The following SIL1 variants were observed in gnomAD, a reference collection of about 807,000 sequenced individuals.
SIL1 encodes nucleotide exchange factor SIL1.
In SIL1, 40 loss-of-function variants were observed where a neutral mutation model predicts 49.1. The ratio of observed to expected loss-of-function variants is 0.81; its 90% CI spans 0.63 to 1.06. The LOEUF is 1.06. SIL1 is among the 50% of genes least tolerant of loss of function. The probability of loss-of-function intolerance (pLI) is 0.00; values close to 1 mark genes in which losing one functional copy is unlikely to be tolerated. For synonymous variants in SIL1, 253 were observed against 250.8 expected (o/e 1.01, Z -0.08); for missense variants, 500 against 572.6 (o/e 0.87, Z 1.29).
chr5:139,150,827 A>C (rs1751282024), intron 1 of SIL1, among the ~76,000 whole-genome samples: 1 of 152,070 alleles, frequency 6.6e-6, no homozygotes, highest in Non-Finnish European at 1.5e-5. Flanking sequence ...GCCTAGCCCA[A>C]AGCCAAGCCT....
At chr5:138,971,422 C>T (rs1767266976) in intron 7 of SIL1, among the ~76,000 whole-genome samples, 1 of 152,184 alleles carries the variant, frequency 6.6e-6, no homozygotes, top group Non-Finnish European at 1.5e-5. Context: ...AGACCATGCA[C>T]AGGACTTTTT....
intron 1 of SIL1, among the ~76,000 whole-genome samples, chr5:139,134,397 A>G (rs553435325): frequency 9.9e-5 from 15 of 152,180 alleles, no homozygotes; most frequent in East Asian, 5.8e-4. Flanking sequence ...CAGCCTCCCA[A>G]AGTGTTGGGA....
intron 1 of SIL1, among the ~76,000 whole-genome samples, chr5:139,172,187 T>C (rs530687286): frequency 6.6e-6 from 1 of 152,270 alleles, no homozygotes; most frequent in South Asian, 2.1e-4. Flanking sequence ...AGAGAGAACA[T>C]TTGAAAATAT....
rs35074969 is a variant in SIL1, at chr5:138,998,852, C to CTT, written c.767+22317_767+22318dup. Reference sequence around the variant, plus strand: ...AGTAGGATGCAGAGGATTATCTTTCCTTTTTTTTTTTTTTTTTTTTTTTGA... The same window carrying CTT: ...AGTAGGATGCAGAGGATTATCTTTCCTTTTTTTTTTTTTTTTTTTTTTTTTGA... On this transcript the variant is annotated intron_variant, in intron 7 of 9. Coordinates refer to ENST00000394817, the MANE Select transcript of SIL1 (RefSeq NM_022464.5). Among the ~76,000 whole-genome samples, 941 of 98,638 alleles carry CTT rather than the reference C, an allele frequency of 9.5e-3. 12 individuals are homozygous for CTT. Among genetic ancestry groups the CTT allele is most frequent in the African/African-American group, 0.031 (712 of 23,266 alleles). The allele number at this position is 98,638 out of a possible 152,430, so 64.7% of individuals were successfully genotyped here. A position where few individuals can be genotyped will look rare whatever the true frequency, so the allele number is the denominator to read the frequency against.
intron 7 of SIL1, among the ~76,000 whole-genome samples, chr5:138,980,922 G>C (rs1403816156): frequency 2.0e-5 from 3 of 152,202 alleles, no homozygotes; most frequent in African/African-American, 7.2e-5. Context: ...GGTTCACCCT[G>C]GGCCAGGTAT....
chr5:138,999,133 AG>A (rs1767935186), intron 7 of SIL1, among the ~76,000 whole-genome samples: 1 of 152,234 alleles, frequency 6.6e-6, no homozygotes, highest in Non-Finnish European at 1.5e-5. Flanking sequence ...CTGGGAATAC[AG>A]GTGTGAGCCA....
At chr5:139,009,009 G>A (rs1289926281) in intron 7 of SIL1, among the ~76,000 whole-genome samples, 9 of 150,536 alleles carry the variant, frequency 6.0e-5, no homozygotes, top group African/African-American at 1.9e-4. Context: ...TCAATTCCTG[G>A]GTATCCTTGT....
intron 7 of SIL1, among the ~76,000 whole-genome samples, chr5:139,014,489 A>C (rs1276812740): frequency 1.3e-5 from 2 of 152,186 alleles, no homozygotes; most frequent in Non-Finnish European, 2.9e-5. Flanking sequence ...AGGGGATAGT[A>C]GTGAAAAAAT....
At chr5:139,078,825 G>A (rs1239765755) in intron 3 of SIL1, among the ~76,000 whole-genome samples, 1 of 152,252 alleles carries the variant, frequency 6.6e-6, no homozygotes, top group Non-Finnish European at 1.5e-5. Flanking sequence ...TACAGTGAGA[G>A]AGGGGACACT....
intron 7 of SIL1, among the ~76,000 whole-genome samples, chr5:138,963,599 T>G (rs1436406455): frequency 5.9e-5 from 9 of 152,350 alleles, no homozygotes; most frequent in Middle Eastern, 3.4e-3. Flanking sequence ...GCAACACACA[T>G]AACAAGTCCC....
At chr5:139,018,842 T>G (rs900626438) in intron 7 of SIL1, among the ~76,000 whole-genome samples, 2 of 152,148 alleles carry the variant, frequency 1.3e-5, no homozygotes, top group Admixed American at 1.3e-4. Flanking sequence ...ACTCACTCAA[T>G]TTTATGAAAT....
In SIL1 at chr5:139,111,898, A is replaced by G. The variant is rs569225933; in HGVS notation, c.244+9137T>C. On this transcript the variant is annotated intron_variant, in intron 3 of 9. Transcript: ENST00000394817. ...CACGGTCTCCCTCTGATGCCGAGCC[A>G]AAGCTGGACTGTACTGCTGCCATCT... Among the ~76,000 whole-genome samples the G allele has an allele frequency of 5.2e-3, 799 of 152,220 alleles. 9 individuals are homozygous for G. The highest frequency in any genetic ancestry group is 0.018 in the African/African-American group (753 of 41,536).
intron 3 of SIL1, among the ~76,000 whole-genome samples, chr5:139,082,960 G>C (rs1770120369): frequency 6.6e-6 from 1 of 152,330 alleles, no homozygotes; most frequent in Middle Eastern, 3.4e-3. Context: ...ACCCAGGAGA[G>C]AGCAGGCCAA....
chr5:139,133,210 T>A lies in SIL1; in HGVS notation c.-10-5357A>T, dbSNP rs76360524. 3.0e-4 allele frequency: 45 copies of A among 152,344 alleles called. No homozygotes were observed. In the East Asian group the frequency reaches 8.7e-3, roughly 29 times the overall value. 9.4% of individuals were successfully genotyped at this position (152,344 alleles called of 1,614,324 possible). ...TTTCAGTGTCTCACCGGTAACTCTT[T>A]CCTTAAGTATCCTTGGGCTTTGGGA... On this transcript the variant is annotated intron_variant, in intron 1 of 9. Coordinates refer to ENST00000394817, the MANE Select transcript of SIL1 (RefSeq NM_022464.5).
chr5:139,096,015 T>A (rs1770454186), intron 3 of SIL1, among the ~76,000 whole-genome samples: 1 of 152,168 alleles, frequency 6.6e-6, no homozygotes, highest in South Asian at 2.1e-4. Context: ...AGTGCCTCTT[T>A]TAACTCTGTG....
intron 3 of SIL1, among the ~76,000 whole-genome samples, chr5:139,095,955 T>A (rs1770453216): frequency 6.6e-6 from 1 of 152,222 alleles, no homozygotes; most frequent in African/African-American, 2.4e-5. Context: ...AACAACTATC[T>A]GCACAAGAAA....
In SIL1 at chr5:139,127,805, A is replaced by G; in HGVS notation, c.39T>C (p.Pro13=). The change falls in exon 2 of 10, where the codon CCT becomes CCC. Residue 13 remains proline, a synonymous_variant. Transcript: ENST00000394817. The part of the protein sequence containing the change: ...PQSLPSSRMA[P]LGMLLGLLMA... ...TCAGCAGCCCAAGCAGCATGCCCAG[A>G]GGAGCCATCCTAGATGAAGGCAGGC... 6.2e-7 allele frequency: 1 copy of G among 1,610,122 alleles called. No homozygotes were observed. The highest frequency in any genetic ancestry group is 8.5e-7 in the Non-Finnish European group (1 of 1,178,848).
intron 1 of SIL1, among the ~76,000 whole-genome samples, chr5:139,143,302 T>TACACACACAC (rs1440490025): frequency 1.5e-4 from 11 of 71,816 alleles, no homozygotes; most frequent in African/African-American, 8.3e-4. Context: ...TGTATATACA[T>TACACACACAC]ATATACACAC....
chr5:139,059,167 C>T (rs1357291555), intron 3 of SIL1, among the ~76,000 whole-genome samples: 1 of 152,098 alleles, frequency 6.6e-6, no homozygotes, highest in Admixed American at 6.5e-5. Flanking sequence ...ATTGTAGCTC[C>T]CTTAATTCCC....
Sources: allele counts gnomAD v4.1 joint callset (sites outside exome capture counted in the v4.1 genomes callset), GRCh38; gene constraint gnomAD v4.1.1; transcripts MANE v1.5; gene names NCBI Gene and HGNC (gene_info 2026-07-23, HGNC 2026-07-21).